Variants in PARD3B observed in about 807,000 individuals in gnomAD.
The protein encoded by PARD3B is partitioning defective 3 homolog B.
Under a neutral mutation model 130.2 loss-of-function variants are expected in PARD3B, and 103 were observed. The observed-to-expected ratio is 0.79, with a 90% CI of 0.67 to 0.93. The LOEUF is 0.93. Ranked by LOEUF, PARD3B falls within the 40% of genes least tolerant of loss-of-function variation. The probability of loss-of-function intolerance (pLI) is 0.00; values close to 1 mark genes in which losing one functional copy is unlikely to be tolerated. For missense variants in PARD3B, 1,609 were observed against 1,499.2 expected (o/e 1.07, Z -1.21); for synonymous variants, 583 against 553.2 (o/e 1.05, Z -0.76).
At chr2:205,496,601 A>G (rs960867894) in intron 20 of PARD3B, among the ~76,000 whole-genome samples, 1 of 152,132 alleles carries the variant, frequency 6.6e-6, no homozygotes, top group African/African-American at 2.4e-5. Flanking sequence ...TGCTCCTGTC[A>G]GCCACAGGGG....
At chr2:204,704,403 A>G (rs2038038940) in intron 2 of PARD3B, among the ~76,000 whole-genome samples, 2 of 152,206 alleles carry the variant, frequency 1.3e-5, no homozygotes, top group African/African-American at 2.4e-5. Context: ...AGCTTTTGAA[A>G]TACTGTCAGA....
At chr2:205,061,180 T>C (rs1373481352) in intron 4 of PARD3B, among the ~76,000 whole-genome samples, 2 of 152,108 alleles carry the variant, frequency 1.3e-5, no homozygotes, top group African/African-American at 4.8e-5. Flanking sequence ...GAAACAGTAA[T>C]CATAAATAAT....
chr2:204,974,757 T>A (rs562301146), intron 3 of PARD3B, among the ~76,000 whole-genome samples: 1 of 152,344 alleles, frequency 6.6e-6, no homozygotes, highest in Non-Finnish European at 1.5e-5. Flanking sequence ...ACATCTGCTC[T>A]TTTTAGATGA....
Position 205,526,608 on chromosome 2 carries a change from G to GAAAC in PARD3B, c.3180+26580_3180+26583dup, listed in dbSNP as rs368015139. Among the ~76,000 whole-genome samples, 6 of 152,136 alleles carry GAAAC rather than the reference G, an allele frequency of 3.9e-5. 1 individual carries two copies. The highest frequency in any genetic ancestry group is 1.4e-4 in the African/African-American group (6 of 41,510). On this transcript the variant is annotated intron_variant, in intron 21 of 22. Coordinates refer to ENST00000406610, the MANE Select transcript of PARD3B (RefSeq NM_001302769.2). Reference sequence around the variant, plus strand: ...TGGCCACGTTTTCATTTTTGACTTGGAAACAACAAGGCAGATGCCACATTC... The same window carrying GAAAC: ...TGGCCACGTTTTCATTTTTGACTTGGAAACAAACAACAAGGCAGATGCCACATTC...
At chr2:205,032,296 T>A (rs1259762631) in intron 3 of PARD3B, among the ~76,000 whole-genome samples, 1 of 152,094 alleles carries the variant, frequency 6.6e-6, no homozygotes, top group Non-Finnish European at 1.5e-5. Flanking sequence ...ATGAAACACC[T>A]GGGTGGTCTT....
intron 15 of PARD3B, among the ~76,000 whole-genome samples, chr2:205,224,705 T>G (rs1453139863): frequency 6.6e-6 from 1 of 152,096 alleles, no homozygotes; most frequent in Non-Finnish European, 1.5e-5. Context: ...TTATTTCATT[T>G]AACATAATGA....
intron 1 of PARD3B, among the ~76,000 whole-genome samples, chr2:204,572,932 C>T (rs1559163160): frequency 6.6e-6 from 1 of 152,196 alleles, no homozygotes; most frequent in Non-Finnish European, 1.5e-5. Flanking sequence ...TGACCACTCT[C>T]TTCTTGGGAA....
At chr2:205,082,919 CTTT>C (rs34303779) in intron 4 of PARD3B, among the ~76,000 whole-genome samples, 7 of 136,592 alleles carry the variant, frequency 5.1e-5, no homozygotes, top group African/African-American at 2.7e-5. Context: ...TAAAATATAT[CTTT>C]TTTTTTTTTT....
intron 2 of PARD3B, among the ~76,000 whole-genome samples, chr2:204,733,669 T>A (rs1009039491): frequency 1.3e-5 from 2 of 152,144 alleles, no homozygotes; most frequent in Non-Finnish European, 2.9e-5. Context: ...AAGTCAAAAT[T>A]GTGGTATTGA....
At position 204,967,403 on chromosome 2, in the gene PARD3B, T is replaced by G. The variant is rs967483339; in HGVS notation, c.394+2080T>G. On this transcript the variant is annotated intron_variant, in intron 3 of 22. Transcript: ENST00000406610. The surrounding 1 kb of genome is among the most constrained non-coding windows in gnomAD (Gnocchi z 4.4). Reference sequence around the variant, plus strand: ...GACCTCTTTCTTTACACTGTGTGCTTTCTCCAGTCCCTACTGTTGCCAGAG... The same window carrying G: ...GACCTCTTTCTTTACACTGTGTGCTGTCTCCAGTCCCTACTGTTGCCAGAG... 2.0e-5 allele frequency among the ~76,000 whole-genome samples: 3 copies of G among 152,190 alleles called. No individual in the cohort carries two copies. The East Asian group carries it at 5.8e-4, about 29-fold the overall frequency.
intron 2 of PARD3B, among the ~76,000 whole-genome samples, chr2:204,873,645 A>C (rs1277988663): frequency 6.6e-6 from 1 of 152,220 alleles, no homozygotes; most frequent in East Asian, 1.9e-4. Context: ...ATGAAATTAC[A>C]ATGTGGTAAT....
chr2:205,417,329 T>C (rs77643417), intron 19 of PARD3B, among the ~76,000 whole-genome samples: 3 of 152,132 alleles, frequency 2.0e-5, no homozygotes, highest in South Asian at 2.1e-4. Context: ...CAGTATATCA[T>C]TGATGGACAT....
chr2:205,542,526 C>T, intron 21 of PARD3B, among the ~76,000 whole-genome samples: 1 of 152,128 alleles, frequency 6.6e-6, no homozygotes, highest in East Asian at 1.9e-4. Flanking sequence ...AACTCAGCTG[C>T]TGCAGTCATC....
chr2:204,563,214 GCTGTCTCTCTCTCTCTCTCTCT>G (rs1347090291), intron 1 of PARD3B, among the ~76,000 whole-genome samples: 1 of 55,020 alleles, frequency 1.8e-5, no homozygotes, highest in African/African-American at 5.8e-5. Context: ...CCGTCTTCCC[GCTGTCTCTCTCTCTCTCTCTCT>G]CTCTCTCTCT....
intron 2 of PARD3B, among the ~76,000 whole-genome samples, chr2:204,795,249 A>G (rs1012050605): frequency 6.6e-6 from 1 of 152,094 alleles, no homozygotes; most frequent in African/African-American, 2.4e-5. Flanking sequence ...TTCTCCCTCA[A>G]TTTTTGGGCA....
At chr2:204,731,689 A>G (rs1559097219) in intron 2 of PARD3B, among the ~76,000 whole-genome samples, 1 of 152,190 alleles carries the variant, frequency 6.6e-6, no homozygotes, top group East Asian at 1.9e-4. Context: ...CATGAAAAAT[A>G]TGAATGAAAA....
chr2:204,999,089 GCTAATGCTTT>G (rs890000948), intron 3 of PARD3B, among the ~76,000 whole-genome samples: 12 of 151,726 alleles, frequency 7.9e-5, no homozygotes, highest in African/African-American at 2.7e-4. Flanking sequence ...GGTTCAGTTT[GCTAATGCTTT>G]CTTACTTTTT....
rs909824567 is a variant in PARD3B at position 205,575,488 on chromosome 2, G to C, written c.3260+22085G>C. On this transcript the variant is annotated intron_variant, in intron 22 of 22. Coordinates refer to ENST00000406610, the MANE Select transcript of PARD3B (RefSeq NM_001302769.2). This position sits in a 1 kb window ranked among gnomAD's most constrained non-coding sequence, Gnocchi z 4.6. ...ATGTATCATTATAGTATCATGCAAA[G>C]TGTTTTTACTGCCCTAAAAATCTTA... Among the ~76,000 whole-genome samples, 11 of 152,114 alleles carry C rather than the reference G, an allele frequency of 7.2e-5. No individual in the cohort carries two copies. The highest frequency in any genetic ancestry group is 3.4e-3 in the Middle Eastern group (1 of 294).
intron 2 of PARD3B, among the ~76,000 whole-genome samples, chr2:204,751,168 T>G (rs2040451975): frequency 6.6e-6 from 1 of 152,098 alleles, no homozygotes; most frequent in South Asian, 2.1e-4. Context: ...AGCAGCTTCT[T>G]TTTTTGACTT....
Sources: allele counts gnomAD v4.1 joint callset (sites outside exome capture counted in the v4.1 genomes callset), GRCh38; gene constraint gnomAD v4.1.1; non-coding constraint Gnocchi (gnomAD v3.1); transcripts MANE v1.5; gene names NCBI Gene and HGNC (gene_info 2026-07-23, HGNC 2026-07-21).